PCDH15: variants seen among roughly 807,000 people sequenced by gnomAD.
PCDH15 encodes the protein protocadherin related 15.
A neutral mutation model predicts 178.5 loss-of-function variants in PCDH15; 129 were observed. That is an observed-to-expected ratio of 0.72 (90% CI 0.63 to 0.84). The LOEUF (loss-of-function observed/expected upper bound fraction) is 0.84, where lower values mean the gene tolerates loss of function less well. Among genes scored for constraint, PCDH15 ranks in the 40% least tolerant of loss-of-function variants. PCDH15 has a pLI of 0.00. For missense variants in PCDH15, 2,230 were observed against 2,099.9 expected (o/e 1.06, Z -1.21); for synonymous variants, 800 against 732.0 (o/e 1.09, Z -1.50).
chr10:54,573,185 C>T (rs74484719), intron 2 of PCDH15, among the ~76,000 whole-genome samples: 70 of 152,112 alleles, frequency 4.6e-4, no homozygotes, highest in African/African-American at 1.6e-3. Flanking sequence ...CAAATTCTTG[C>T]CAAATCTCCT....
intron 2 of PCDH15, among the ~76,000 whole-genome samples, chr10:55,538,442 CTTCCTTCCTTCT>C (rs1841643897): frequency 2.9e-5 from 4 of 139,784 alleles, no homozygotes; most frequent in Non-Finnish European, 4.6e-5. Flanking sequence ...TCCTTCCTCC[CTTCCTTCCTTCT>C]TTCCTTCCTT....
intron 15 of PCDH15, among the ~76,000 whole-genome samples, chr10:54,090,717 T>C (rs2094587264): frequency 6.6e-6 from 1 of 152,166 alleles, no homozygotes; most frequent in Non-Finnish European, 1.5e-5. Flanking sequence ...TTCTTTTCTT[T>C]TTCTGTTCAG....
intron 8 of PCDH15, among the ~76,000 whole-genome samples, chr10:54,315,131 G>A (rs2061161735): frequency 6.6e-6 from 1 of 152,108 alleles, no homozygotes; most frequent in Non-Finnish European, 1.5e-5. Flanking sequence ...CCACATGGTT[G>A]AACTAATTTA....
intron 3 of PCDH15, among the ~76,000 whole-genome samples, chr10:54,391,809 G>A (rs1950574390): frequency 6.6e-6 from 1 of 152,186 alleles, no homozygotes; most frequent in African/African-American, 2.4e-5. Context: ...CTGAGAAGGT[G>A]AAGAGTGGAT....
At chr10:53,906,234 T>C (rs1018756196) in intron 25 of PCDH15, among the ~76,000 whole-genome samples, 1 of 151,548 alleles carries the variant, frequency 6.6e-6, no homozygotes, top group Non-Finnish European at 1.5e-5. Context: ...TTATTTTCCA[T>C]AATGTAAAAT....
intron 3 of PCDH15, among the ~76,000 whole-genome samples, chr10:54,489,799 A>G (rs1398612157): frequency 1.3e-5 from 2 of 152,196 alleles, no homozygotes; most frequent in Admixed American, 1.3e-4. Context: ...TTGGTCCTCT[A>G]ATAAATTTGC....
chr10:55,594,109 C>T (rs1358262052), intron 2 of PCDH15, among the ~76,000 whole-genome samples: 1 of 151,910 alleles, frequency 6.6e-6, no homozygotes, highest in East Asian at 1.9e-4. Flanking sequence ...TAGCTACTGA[C>T]ATAATTTGCA....
intron 1 of PCDH15, among the ~76,000 whole-genome samples, chr10:54,718,684 CTTTTT>C (rs71461255): frequency 9.0e-6 from 1 of 111,520 alleles, no homozygotes; most frequent in Non-Finnish European, 1.8e-5. Context: ...CACACTGATT[CTTTTT>C]TTTTTTTTTT....
intron 2 of PCDH15, among the ~76,000 whole-genome samples, chr10:55,364,691 A>G (rs917347323): frequency 1.3e-5 from 2 of 152,126 alleles, no homozygotes; most frequent in Admixed American, 1.3e-4. Context: ...CTTTTCTGAG[A>G]TAGTCATGGA....
At chr10:55,417,034 T>G (rs1838499610) in intron 2 of PCDH15, among the ~76,000 whole-genome samples, 1 of 151,816 alleles carries the variant, frequency 6.6e-6, no homozygotes, top group African/African-American at 2.4e-5. Context: ...CTAGCACTCA[T>G]GCTGAGCTTT....
intron 3 of PCDH15, among the ~76,000 whole-genome samples, chr10:54,454,591 A>C (rs1483014646): frequency 6.6e-6 from 1 of 151,948 alleles, no homozygotes; most frequent in Admixed American, 6.6e-5. Context: ...CATAGACATA[A>C]ATGTACATAC....
chr10:55,537,428 TATGTATG>T (rs1245231295), intron 2 of PCDH15, among the ~76,000 whole-genome samples: 3 of 151,882 alleles, frequency 2.0e-5, no homozygotes, highest in Non-Finnish European at 4.4e-5. Flanking sequence ...TGTATGTATG[TATGTATG>T]TATTTATTTA....
At chr10:55,347,977 A>G (rs1448225693) in intron 2 of PCDH15, among the ~76,000 whole-genome samples, 3 of 152,066 alleles carry the variant, frequency 2.0e-5, no homozygotes, top group Non-Finnish European at 2.9e-5. Context: ...CTAAGTCAAA[A>G]CAAGGTCTTT....
chr10:54,108,981 A>T (rs1333806300), intron 15 of PCDH15, among the ~76,000 whole-genome samples: 1 of 152,088 alleles, frequency 6.6e-6, no homozygotes, highest in Non-Finnish European at 1.5e-5. Context: ...AAATAAACAA[A>T]AAACCTTGGT....
intron 5 of PCDH15, among the ~76,000 whole-genome samples, chr10:54,358,784 G>T (rs1168519325): frequency 6.6e-6 from 1 of 151,890 alleles, no homozygotes; most frequent in Non-Finnish European, 1.5e-5. Flanking sequence ...GTGATAGACT[G>T]GATTAAGAAA....
At chr10:54,302,925 C>T (rs545266827) in intron 8 of PCDH15, among the ~76,000 whole-genome samples, 1 of 152,128 alleles carries the variant, frequency 6.6e-6, no homozygotes, top group East Asian at 1.9e-4. Context: ...TTTCATGTAC[C>T]CCATAAATAT....
chr10:55,473,987 C>T (rs1840014898), intron 2 of PCDH15, among the ~76,000 whole-genome samples: 1 of 152,078 alleles, frequency 6.6e-6, no homozygotes, highest in Non-Finnish European at 1.5e-5. Context: ...CTAAATCACT[C>T]TAATGGTCAG....
chr10:54,503,225 ATGTGTGTGTGTGTGTGTGTG>A (rs35951831), intron 3 of PCDH15, among the ~76,000 whole-genome samples: 1 of 83,760 alleles, frequency 1.2e-5, no homozygotes, highest in Non-Finnish European at 2.5e-5. Flanking sequence ...ATACATATAT[ATGTGTGTGTGTGTGTGTGTG>A]TGTGTGTGTG....
intron 2 of PCDH15, among the ~76,000 whole-genome samples, chr10:55,066,771 G>A (rs1049622510): frequency 2.0e-5 from 3 of 150,664 alleles, no homozygotes; most frequent in Non-Finnish European, 4.4e-5. Flanking sequence ...CAAATTACAT[G>A]AGGTTTTTAT....
Sources: gnomAD v4.1 joint callset for allele counts (sites outside exome capture counted in the v4.1 genomes callset) on GRCh38, gnomAD v4.1.1 for gene constraint, MANE v1.5 for transcripts, NCBI Gene and HGNC (gene_info 2026-07-23, HGNC 2026-07-21) for gene names.